Variants in EHD1 observed in about 807,000 individuals in gnomAD.
EHD1 encodes EH domain-containing protein 1.
A neutral mutation model predicts 39.0 loss-of-function variants in EHD1; 19 were observed. That is an observed-to-expected ratio of 0.49 (90% confidence interval 0.34 to 0.72). The LOEUF (loss-of-function observed/expected upper bound fraction) is 0.72, where lower values mean the gene tolerates loss of function less well. EHD1 is among the 30% of genes least tolerant of loss of function. The pLI is 0.01. For missense variants in EHD1, 542 were observed against 751.5 expected, an observed-to-expected ratio of 0.72 and a Z score of 3.26; for synonymous variants, 323 against 331.2, an observed-to-expected ratio of 0.98 and a Z score of 0.27.
Position 64,854,456 on chromosome 11 carries a change from C to T in EHD1, c.1482G>A (p.Gly494=). The change falls in exon 5 of 5, where the codon GGG becomes GGA. Residue 494 remains glycine (G), a synonymous_variant. Coordinates refer to ENST00000320631, the MANE Select transcript of EHD1 (RefSeq NM_006795.4). ...IWKLADVDKD[G]LLDDEEFALA... ...GCGCGAACTCCTCGTCGTCCAGCAGCCCGTCCTTGTCCACGTCGGCCAGCT... is the reference window on the plus strand; with the variant it reads ...GCGCGAACTCCTCGTCGTCCAGCAGTCCGTCCTTGTCCACGTCGGCCAGCT... The T allele has an allele frequency of 6.2e-7, 1 of 1,614,166 alleles. No homozygotes were observed. The highest frequency in any genetic ancestry group is 8.5e-7 in the Non-Finnish European group (1 of 1,179,992).
rs1943788381 is a variant in EHD1 at position 64,868,145 on chromosome 11, T to C, written c.502+6276A>G. Reference sequence around the variant, plus strand: ...CTGCTTTATACATTCCAAAGATTTCTAGAACATGAAACATAGAGGGTTTGT... The same window carrying C: ...CTGCTTTATACATTCCAAAGATTTCCAGAACATGAAACATAGAGGGTTTGT... On this transcript the variant is annotated intron_variant, in intron 2 of 4. Coordinates refer to ENST00000320631, the MANE Select transcript of EHD1 (RefSeq NM_006795.4). This position sits in a 1 kb window ranked among gnomAD's most constrained non-coding sequence, Gnocchi z 4.2. Among the ~76,000 whole-genome samples the C allele has an allele frequency of 6.6e-6, 1 of 152,222 alleles. No homozygotes were observed. Among genetic ancestry groups the C allele is most frequent in the Non-Finnish European group, 1.5e-5 (1 of 68,042 alleles).
In EHD1 at chr11:64,878,428, TCTTGCGGCGGGCATC is replaced by T. The variant is rs1297224573; in HGVS notation, c.22_36del (p.Asp8_Lys12del). The T allele has an allele frequency of 6.2e-7, 1 of 1,612,820 alleles. No individual in the cohort carries two copies. Among genetic ancestry groups the T allele is most frequent in the Non-Finnish European group, 8.5e-7 (1 of 1,179,660 alleles). The stretch of plus-strand genomic sequence containing the variant: ...ACCGTCTGGAAGAGCTCCGGCTCCT[TCTTGCGGCGGGCATC>T]CTTGCTGACCCAGCTGAACATACTG... On this transcript the variant is annotated inframe_deletion, in exon 1 of 5. Coordinates refer to ENST00000320631, the MANE Select transcript of EHD1 (RefSeq NM_006795.4).
At chr11:64,855,101 T>G in intron 4 of EHD1, 1 of 879,454 alleles carries the variant, frequency 1.1e-6, no homozygotes. Flanking sequence ...GGCATGGCCC[T>G]GCCCTCCCCC....
chr11:64,869,374 G>A (rs1257762259), intron 2 of EHD1, among the ~76,000 whole-genome samples: 3 of 152,240 alleles, frequency 2.0e-5, no homozygotes, highest in African/African-American at 7.2e-5. Context: ...GGGAGGCCTG[G>A]AGCTGGGAGC....
rs777277252 is a variant in EHD1 at position 64,878,270 on chromosome 11, C to A, written c.195G>T (p.Gly65=). ...FDNKPMVLLV[G]QYSTGKTTFI... is the part of the protein sequence containing the mutation. The stretch of plus-strand genomic sequence containing the variant: ...AGGTGGTCTTGCCCGTGCTGTACTG[C>A]CCCACGAGGAGCACCATAGGCTTGT... Residue 65 remains glycine (G), a synonymous_variant, in exon 1 of 5, where the codon GGG becomes GGT. Transcript: ENST00000320631. 1.1e-5 allele frequency: 18 copies of A among 1,614,062 alleles called. No homozygotes were observed. The highest frequency in any genetic ancestry group is 2.2e-5 in the South Asian group (2 of 91,090).
chr11:64,863,292 G>C (rs1943734091), intron 2 of EHD1, among the ~76,000 whole-genome samples: 1 of 152,250 alleles, frequency 6.6e-6, no homozygotes, highest in South Asian at 2.1e-4. Context: ...GCCAAGCTGG[G>C]GATGGAGATG....
intron 3 of EHD1, among the ~76,000 whole-genome samples, chr11:64,857,343 G>C (rs1210407247): frequency 6.6e-6 from 1 of 152,218 alleles, no homozygotes; most frequent in Non-Finnish European, 1.5e-5. Context: ...AGAATGGCTT[G>C]AGCCTGGGAA....
At chr11:64,854,956 G>A in intron 4 of EHD1, 99 bp from the exon 5 acceptor site, 1 of 1,455,524 alleles carries the variant, frequency 6.9e-7, no homozygotes, top group Non-Finnish European at 9.3e-7. Context: ...ATAAAGTGCT[G>A]CTCCCCCACA....
At chr11:64,872,534 G>T (rs1352848899) in intron 2 of EHD1, among the ~76,000 whole-genome samples, 1 of 151,800 alleles carries the variant, frequency 6.6e-6, no homozygotes, top group South Asian at 2.1e-4. Flanking sequence ...TGCTTATCCG[G>T]CATTTACTAA....
chr11:64,859,713 G>C, intron 3 of EHD1: 1 of 672,528 alleles, frequency 1.5e-6, no homozygotes, highest in Non-Finnish European at 2.4e-6. Flanking sequence ...AACAGGTTTA[G>C]AGGGAGGCCG....
At chr11:64,858,185 C>CTTTTT (rs1943674868) in intron 3 of EHD1, among the ~76,000 whole-genome samples, 2 of 97,396 alleles carry the variant, frequency 2.1e-5, no homozygotes, top group Admixed American at 1.1e-4. Flanking sequence ...GAGCCTATTT[C>CTTTTT]TTTTCTTTTT....
chr11:64,869,096 T>C (rs949467699), intron 2 of EHD1, among the ~76,000 whole-genome samples: 1 of 152,248 alleles, frequency 6.6e-6, no homozygotes, highest in Non-Finnish European at 1.5e-5. Context: ...CTGATGGGTG[T>C]GTAGGCAAGG....
upstream of EHD1, chr11:64,878,769 A>C: frequency 8.0e-7 from 1 of 1,255,346 alleles, no homozygotes; most frequent in Non-Finnish European, 1.0e-6. Context: ...GTCTTCCCCT[A>C]CCCCGCCCCC....
upstream of EHD1, chr11:64,878,724 G>T (rs1450263915): frequency 1.5e-6 from 2 of 1,327,674 alleles, no homozygotes; most frequent in Admixed American, 3.8e-5. Flanking sequence ...GTAGGGAGGA[G>T]CCCCTCCCAG....
chr11:64,854,081 C>T lies in EHD1; in HGVS notation c.*252G>A, dbSNP rs1211535343. On this transcript the variant is annotated 3_prime_UTR_variant, in exon 5 of 5. Transcript: ENST00000320631. ...GGCTGGCACACAGGGGAGGCGGCGACAAAGAACGCAGCCTCTAACGTTATA... is the reference window on the plus strand; with the variant it reads ...GGCTGGCACACAGGGGAGGCGGCGATAAAGAACGCAGCCTCTAACGTTATA... 1 of 658,568 alleles carries T rather than the reference C, an allele frequency of 1.5e-6. No individual in the cohort carries two copies. The highest frequency in any genetic ancestry group is 2.5e-6 in the Non-Finnish European group (1 of 403,112). 40.8% of individuals were successfully genotyped at this position (658,568 alleles called of 1,614,324 possible). A position where few individuals can be genotyped will look rare whatever the true frequency, so the allele number is the denominator to read the frequency against.
rs1038746820 is a variant in EHD1 at position 64,878,495 on chromosome 11, G to A, written c.-31C>T. 1.9e-6 allele frequency: 3 copies of A among 1,565,188 alleles called. No individual in the cohort carries two copies. Among genetic ancestry groups the A allele is most frequent in the Non-Finnish European group, 2.6e-6 (3 of 1,158,130 alleles). On this transcript the variant is annotated 5_prime_UTR_variant, in exon 1 of 5. Coordinates refer to ENST00000320631, the MANE Select transcript of EHD1 (RefSeq NM_006795.4). ...CGGACACGGGGCTGGCTGCTGCGGG[G>A]CAGAGCGGCGGCTGAGAGCGGGGCG...
At chr11:64,862,852 C>T (rs537439589) in intron 2 of EHD1, among the ~76,000 whole-genome samples, 1 of 152,246 alleles carries the variant, frequency 6.6e-6, no homozygotes, top group African/African-American at 2.4e-5. Context: ...CCAGCCTGGG[C>T]GACAGAGCGA....
chr11:64,879,057 C>T (rs1192899048), upstream of EHD1: 6 of 999,022 alleles, frequency 6.0e-6, no homozygotes, highest in East Asian at 4.5e-4. Flanking sequence ...CCAGCTGGCT[C>T]GGAATCCCCG....
intron 2 of EHD1, among the ~76,000 whole-genome samples, chr11:64,861,181 G>A (rs148870446): frequency 0.015 from 2,162 of 146,626 alleles, 45 homozygotes; most frequent in African/African-American, 0.05. Flanking sequence ...GCGAGACTCC[G>A]TCTCAAAAAA....
Sources: allele counts gnomAD v4.1 joint callset (sites outside exome capture counted in the v4.1 genomes callset), GRCh38; gene constraint gnomAD v4.1.1; non-coding constraint Gnocchi (gnomAD v3.1); transcripts MANE v1.5; gene names NCBI Gene and HGNC (gene_info 2026-07-23, HGNC 2026-07-21).